The following ASIC2 variants were observed in gnomAD, a reference collection of about 807,000 sequenced individuals.
ASIC2 encodes acid sensing ion channel subunit 2.
A neutral mutation model predicts 57.3 loss-of-function variants in ASIC2; 25 were observed. The ratio of observed to expected loss-of-function variants is 0.44; its 90% CI spans 0.32 to 0.61. The LOEUF (loss-of-function observed/expected upper bound fraction) is 0.61. Ranked by LOEUF, ASIC2 falls within the 20% of genes least tolerant of loss-of-function variation. The pLI is 0.06. For synonymous variants in ASIC2, 319 were observed against 307.5 expected, an observed-to-expected ratio of 1.04 and a Z score of -0.39; for missense variants, 641 against 738.1, an observed-to-expected ratio of 0.87 and a Z score of 1.52.
At chr17:33,414,870 C>T (rs531329474) in intron 1 of ASIC2, among the ~76,000 whole-genome samples, 68 of 152,332 alleles carry the variant, frequency 4.5e-4, no homozygotes, top group African/African-American at 1.5e-3. Context: ...CCCCTGACCC[C>T]GCTTCTCCAT....
At chr17:33,686,789 G>T (rs1250976082) in intron 1 of ASIC2, among the ~76,000 whole-genome samples, 1 of 152,190 alleles carries the variant, frequency 6.6e-6, no homozygotes, top group Non-Finnish European at 1.5e-5. Flanking sequence ...TGGGAAGCAG[G>T]TCTGAGGTCA....
chr17:33,658,333 T>C (rs1907141499), intron 1 of ASIC2, among the ~76,000 whole-genome samples: 1 of 152,174 alleles, frequency 6.6e-6, no homozygotes, highest in African/African-American at 2.4e-5. Flanking sequence ...TGGGGAAAGT[T>C]TGTGCAGTCC....
intron 1 of ASIC2, among the ~76,000 whole-genome samples, chr17:33,708,905 C>G (rs1014284114): frequency 6.6e-6 from 1 of 152,198 alleles, no homozygotes; most frequent in Non-Finnish European, 1.5e-5. Context: ...CCAATCACAC[C>G]TTAATTTTAA....
chr17:33,212,838 C>T (rs1169597238), intron 1 of ASIC2, among the ~76,000 whole-genome samples: 1 of 152,114 alleles, frequency 6.6e-6, no homozygotes, highest in Non-Finnish European at 1.5e-5. Flanking sequence ...TCCTTTGCCC[C>T]CTGATGGAAG....
intron 2 of ASIC2, chr17:33,100,231 A>G (rs560197023): frequency 2.5e-4 from 38 of 152,394 alleles, no homozygotes; most frequent in African/African-American, 8.7e-4. Flanking sequence ...TTTTTGCAGA[A>G]CACATAGGCC....
At chr17:33,323,317 G>C (rs372309577) in intron 1 of ASIC2, among the ~76,000 whole-genome samples, 1 of 152,072 alleles carries the variant, frequency 6.6e-6, no homozygotes, top group Non-Finnish European at 1.5e-5. Flanking sequence ...AATAAATTGC[G>C]GTATAGTCAT....
chr17:33,539,500 C>G (rs183804904), intron 1 of ASIC2, among the ~76,000 whole-genome samples: 1 of 152,330 alleles, frequency 6.6e-6, no homozygotes, highest in African/African-American at 2.4e-5. Context: ...TCTGAAGACC[C>G]AAATGCACAT....
chr17:33,637,043 T>C (rs1242123065), intron 1 of ASIC2, among the ~76,000 whole-genome samples: 3 of 152,040 alleles, frequency 2.0e-5, no homozygotes, highest in African/African-American at 7.2e-5. Flanking sequence ...TTGTTCCTCT[T>C]CCCTCTCTTC....
At chr17:33,714,710 C>CCTG (rs1288745901) in intron 1 of ASIC2, among the ~76,000 whole-genome samples, 1 of 151,864 alleles carries the variant, frequency 6.6e-6, no homozygotes, top group Non-Finnish European at 1.5e-5. Context: ...TTCGACTTTG[C>CCTG]CTGTTTCTCT....
intron 1 of ASIC2, among the ~76,000 whole-genome samples, chr17:33,579,848 C>G (rs993611188): frequency 3.3e-5 from 5 of 152,146 alleles, no homozygotes; most frequent in African/African-American, 4.8e-5. Context: ...TGCATTTATT[C>G]CCTTATTTGG....
At chr17:33,024,810 C>G (rs1396945056) in intron 5 of ASIC2, among the ~76,000 whole-genome samples, 2 of 152,210 alleles carry the variant, frequency 1.3e-5, no homozygotes, top group African/African-American at 2.4e-5. Context: ...AATTTTCCAT[C>G]TACTGAGTCC....
chr17:33,699,416 A>G (rs1331361681), intron 1 of ASIC2, among the ~76,000 whole-genome samples: 1 of 152,202 alleles, frequency 6.6e-6, no homozygotes, highest in African/African-American at 2.4e-5. Context: ...CCAAAGTCGG[A>G]GGAACAACCA....
chr17:33,347,887 A>G (rs1483486381), intron 1 of ASIC2, among the ~76,000 whole-genome samples: 2 of 152,172 alleles, frequency 1.3e-5, no homozygotes, highest in Non-Finnish European at 2.9e-5. Context: ...GGATCACTTG[A>G]GGCCGGGAGT....
intron 1 of ASIC2, among the ~76,000 whole-genome samples, chr17:33,898,081 C>T (rs933806414): frequency 6.6e-6 from 1 of 152,192 alleles, no homozygotes; most frequent in African/African-American, 2.4e-5. Context: ...GGATTCCAAG[C>T]AAGACAATAT....
intron 1 of ASIC2, among the ~76,000 whole-genome samples, chr17:33,455,500 G>T (rs1208189669): frequency 6.6e-6 from 1 of 152,158 alleles, no homozygotes; most frequent in African/African-American, 2.4e-5. Context: ...CTGCATCCAC[G>T]TTGCTGCAAA....
chr17:33,152,295 C>T (rs1423792859), intron 1 of ASIC2, among the ~76,000 whole-genome samples: 5 of 152,152 alleles, frequency 3.3e-5, no homozygotes, highest in Admixed American at 6.5e-5. Flanking sequence ...CATGAGGAGC[C>T]CACACTTCTA....
At chr17:33,163,795 G>C (rs1905228388) in intron 1 of ASIC2, among the ~76,000 whole-genome samples, 1 of 152,168 alleles carries the variant, frequency 6.6e-6, no homozygotes, top group Non-Finnish European at 1.5e-5. Context: ...ACCAAGACAA[G>C]GATGGGGACC....
At chr17:33,931,319 A>G (rs1188668908) in intron 1 of ASIC2, 2 of 152,204 alleles carry the variant, frequency 1.3e-5, no homozygotes, top group African/African-American at 4.8e-5. Flanking sequence ...ACCGGTAATC[A>G]GAACAGAGCA....
chr17:33,719,376 T>C (rs112261020), intron 1 of ASIC2, among the ~76,000 whole-genome samples: 4,171 of 152,214 alleles, frequency 0.027, 176 homozygotes, highest in African/African-American at 0.093. Context: ...AGGTGTCCTG[T>C]GCAACCTGCT....
Sources: allele counts gnomAD v4.1 joint callset (sites outside exome capture counted in the v4.1 genomes callset), GRCh38; gene constraint gnomAD v4.1.1; transcripts MANE v1.5; gene names NCBI Gene and HGNC (gene_info 2026-07-23, HGNC 2026-07-21).